The following ABR variants were observed in gnomAD, a reference collection of about 807,000 sequenced individuals.
The protein encoded by ABR is active breakpoint cluster region-related protein.
In ABR, 35 loss-of-function variants were observed where a neutral mutation model predicts 107.2. That is an observed-to-expected ratio of 0.33 (90% CI 0.25 to 0.43). The LOEUF (loss-of-function observed/expected upper bound fraction) is 0.43, where lower values mean the gene tolerates loss of function less well. Ranked by LOEUF, ABR falls within the 20% of genes least tolerant of loss-of-function variation. The pLI is 1.00. For synonymous variants in ABR, 498 were observed against 462.0 expected (o/e 1.08, Z -1.00); for missense variants, 815 against 1,115.2 (o/e 0.73, Z 3.83).
At chr17:1,013,357 G>A (rs1041726823) in intron 16 of ABR, among the ~76,000 whole-genome samples, 193 bp from the exon 17 acceptor site, 2 of 149,856 alleles carry the variant, frequency 1.3e-5, no homozygotes, top group Middle Eastern at 3.5e-3. Flanking sequence ...TGGCCGCCGT[G>A]GGGGAGGCAG....
intron 1 of ABR, among the ~76,000 whole-genome samples, chr17:1,136,833 A>T (rs901393238): frequency 7.9e-5 from 12 of 152,094 alleles, no homozygotes. Flanking sequence ...AACTTTCTCC[A>T]TATCAGCAGT....
intron 2 of ABR, chr17:1,109,016 T>G: frequency 6.3e-7 from 1 of 1,597,922 alleles, no homozygotes; most frequent in Non-Finnish European, 8.5e-7. Flanking sequence ...AAACACATCT[T>G]CGTCCTCCAG....
chr17:1,029,828 C>A (rs1462659255), intron 16 of ABR, among the ~76,000 whole-genome samples: 1 of 96,616 alleles, frequency 1.0e-5, no homozygotes, highest in Non-Finnish European at 2.4e-5. Context: ...GTCCACGACA[C>A]GGACACACTG....
At position 1,179,884 on chromosome 17, in the gene ABR, A is replaced by T; in HGVS notation, c.-157T>A. 6.3e-6 allele frequency: 3 copies of T among 476,504 alleles called. No homozygotes were observed. Among genetic ancestry groups the T allele is most frequent in the Non-Finnish European group, 9.7e-6 (3 of 310,284 alleles). The allele number at this position is 476,504 out of a possible 1,614,324, so 29.5% of individuals were successfully genotyped here. A position where few individuals can be genotyped will look rare whatever the true frequency, so the allele number is the denominator to read the frequency against. ...GGGAGGAGCGCGGGGCGGCCGGGGC[A>T]GGGGCGAGGGCGGGGCGGGAGCCCC... is the stretch of plus-strand genomic sequence containing the variant. On this transcript the variant is annotated 5_prime_UTR_variant, in exon 1 of 23. Coordinates refer to ENST00000302538, the MANE Select transcript of ABR (RefSeq NM_021962.5). The surrounding 1 kb of genome is among the most constrained non-coding windows in gnomAD (Gnocchi z 4.9).
chr17:1,161,982 T>C (rs2151571151), intron 1 of ABR, among the ~76,000 whole-genome samples: 1 of 152,308 alleles, frequency 6.6e-6, no homozygotes, highest in African/African-American at 2.4e-5. Flanking sequence ...GGGAGATGCA[T>C]TTCACTGCGG....
At position 1,013,170 on chromosome 17, in the gene ABR, G is replaced by A. The variant is rs764035976; in HGVS notation, c.1792-6C>T. On this transcript the variant is annotated splice_region_variant and splice_polypyrimidine_tract_variant and intron_variant, in intron 16 of 22. Coordinates refer to ENST00000302538, the MANE Select transcript of ABR (RefSeq NM_021962.5). ...TCCACGGTTTGTGGGTCCAGCTGCA[G>A]AGAGAGAATGTGGGTGAGAGAGGTG... 2 of 1,613,898 alleles carry A rather than the reference G, an allele frequency of 1.2e-6. No individual in the cohort carries two copies. Among genetic ancestry groups the A allele is most frequent in the Admixed American group, 1.7e-5 (1 of 60,004 alleles).
intron 4 of ABR, among the ~76,000 whole-genome samples, chr17:1,086,977 A>G (rs1195870306): frequency 6.6e-6 from 1 of 151,514 alleles, no homozygotes; most frequent in African/African-American, 2.4e-5. Context: ...ATAGATACAG[A>G]TATGTAGTAA....
Position 1,009,248 on chromosome 17 carries a change from C to G in ABR, c.2342+431G>C, listed in dbSNP as rs1394058600. ...ACTACTGTCCATTCCCCACTGCTGT[C>G]CACCCCCCACTGCTGTCCACCCCCC... On this transcript the variant is annotated intron_variant, in intron 21 of 22. Coordinates refer to ENST00000302538, the MANE Select transcript of ABR (RefSeq NM_021962.5). Among the ~76,000 whole-genome samples, 4 of 102,814 alleles carry G rather than the reference C, an allele frequency of 3.9e-5. No individual in the cohort carries two copies. In the East Asian group the frequency reaches 1.4e-3, roughly 35 times the overall value. The allele number at this position is 102,814 out of a possible 152,430, so 67.4% of individuals were successfully genotyped here. A position where few individuals can be genotyped will look rare whatever the true frequency, so the allele number is the denominator to read the frequency against.
Position 1,092,616 on chromosome 17 carries a change from C to T in ABR, c.346-766G>A, listed in dbSNP as rs909353671. On this transcript the variant is annotated intron_variant, in intron 3 of 22. Transcript: ENST00000302538. The surrounding 1 kb of genome is among the most constrained non-coding windows in gnomAD (Gnocchi z 4.6). ...TCACCTTCCAGCCTAGCAGTGGGAC[C>T]GTGGGATAACGGGACGTGCAGGCAT... Among the ~76,000 whole-genome samples the T allele has an allele frequency of 4.6e-5, 7 of 152,004 alleles. No homozygotes were observed. The highest frequency in any genetic ancestry group is 1.0e-4 in the Non-Finnish European group (7 of 68,020).
At chr17:1,061,746 G>A (rs1287525665) in intron 10 of ABR, among the ~76,000 whole-genome samples, 1 of 152,024 alleles carries the variant, frequency 6.6e-6, no homozygotes, top group Non-Finnish European at 1.5e-5. Flanking sequence ...GGGGCTTCAT[G>A]ATGTTGGCCA....
Position 1,010,605 on chromosome 17 carries a change from A to C in ABR, c.2236+124T>G. The C allele has an allele frequency of 7.4e-7, 1 of 1,345,698 alleles. No individual in the cohort carries two copies. The highest frequency in any genetic ancestry group is 1.4e-5 in the South Asian group (1 of 74,006). 83.4% of individuals were successfully genotyped at this position (1,345,698 alleles called of 1,614,324 possible). A position where few individuals can be genotyped will look rare whatever the true frequency, so the allele number is the denominator to read the frequency against. ...CTCGGACCCCTCAGCCACAGGCCCC[A>C]GTGCACTGGGAAGGTCAGCCAGCAA... On this transcript the variant is annotated intron_variant, in intron 20 of 22. Coordinates refer to ENST00000302538, the MANE Select transcript of ABR (RefSeq NM_021962.5). The surrounding 1 kb of genome is among the most constrained non-coding windows in gnomAD (Gnocchi z 4.1).
intron 1 of ABR, among the ~76,000 whole-genome samples, chr17:1,136,789 G>T (rs1008593060): frequency 7.9e-5 from 12 of 152,166 alleles, no homozygotes; most frequent in African/African-American, 2.9e-4. Context: ...TCAGGGGAAC[G>T]TTGTGGCTGG....
At chr17:1,012,459 G>T in intron 18 of ABR, 1 of 696,036 alleles carries the variant, frequency 1.4e-6, no homozygotes, top group East Asian at 2.7e-5. Context: ...GACGATCTGG[G>T]ATCTCACAAG....
chr17:1,206,125 GAAAC>G (rs986127278), intron 1 of ABR, among the ~76,000 whole-genome samples: 14 of 151,976 alleles, frequency 9.2e-5, no homozygotes, highest in African/African-American at 2.2e-4. Context: ...AAAAAAAAGA[GAAAC>G]AAAATTAGCT....
chr17:1,066,568 G>A (rs1597646660), intron 10 of ABR, among the ~76,000 whole-genome samples: 1 of 149,420 alleles, frequency 6.7e-6, no homozygotes, highest in East Asian at 2.0e-4. Context: ...TCACTCTATT[G>A]CCTAGACTGG....
At chr17:1,199,990 T>G (rs937628394) in intron 1 of ABR, among the ~76,000 whole-genome samples, 1 of 151,828 alleles carries the variant, frequency 6.6e-6, no homozygotes, top group Admixed American at 6.6e-5. Context: ...CTGTTACATA[T>G]GTATACATGT....
chr17:1,079,504 A>G, intron 5 of ABR, 114 bp from the exon 6 acceptor site: 3 of 1,004,920 alleles, frequency 3.0e-6, no homozygotes, highest in Non-Finnish European at 4.6e-6. Context: ...ATATGAGAAC[A>G]GAGGCCGGGT....
At chr17:1,075,444 C>A (rs1339028469) in intron 6 of ABR, among the ~76,000 whole-genome samples, 1 of 152,270 alleles carries the variant, frequency 6.6e-6, no homozygotes, top group Non-Finnish European at 1.5e-5. Context: ...GATATAAATA[C>A]CCCGTGCGCG....
chr17:1,141,513 C>T (rs2040283031), intron 1 of ABR, among the ~76,000 whole-genome samples: 1 of 152,106 alleles, frequency 6.6e-6, no homozygotes, highest in African/African-American at 2.4e-5. Context: ...TGCGAGGTTA[C>T]AATGAGGAAA....
Sources: gnomAD v4.1 joint callset for allele counts (sites outside exome capture counted in the v4.1 genomes callset) on GRCh38, gnomAD v4.1.1 for gene constraint, Gnocchi (gnomAD v3.1) non-coding constraint, MANE v1.5 for transcripts, NCBI Gene and HGNC (gene_info 2026-07-23, HGNC 2026-07-21) for gene names.